The following PIWIL1 variants were observed in gnomAD, a reference collection of about 807,000 sequenced individuals.
PIWIL1 encodes piwi like RNA-mediated gene silencing 1.
Under a neutral mutation model 114.4 loss-of-function variants are expected in PIWIL1, and 73 were observed. The ratio of observed to expected loss-of-function variants is 0.64; its 90% CI spans 0.53 to 0.78. The LOEUF is 0.78. Among genes scored for constraint, PIWIL1 ranks in the 30% least tolerant of loss-of-function variants. PIWIL1 has a pLI of 0.00. For missense variants in PIWIL1, 723 were observed against 1,063.1 expected (o/e 0.68, Z 4.45); for synonymous variants, 375 against 369.0 (o/e 1.02, Z -0.19).
At chr12:130,357,607 G>C (rs150945290) in intron 14 of PIWIL1, 54 bp downstream of exon 14, 5 of 1,141,868 alleles carry the variant, frequency 4.4e-6, no homozygotes, top group Non-Finnish European at 6.6e-6. Flanking sequence ...TTTTTCAAAG[G>C]GGGCATGTGT....
chr12:130,423,980 G>GA, the PIWIL1 span, among the ~76,000 whole-genome samples: 1 of 152,114 alleles, frequency 6.6e-6, no homozygotes, highest in Non-Finnish European at 1.5e-5. Context: ...TCAAAAGGTT[G>GA]GGAAGCAAAT....
intron 18 of PIWIL1, among the ~76,000 whole-genome samples, chr12:130,366,048 C>T (rs1009487582): frequency 6.6e-5 from 10 of 152,174 alleles, no homozygotes; most frequent in South Asian, 2.1e-4. Flanking sequence ...GCAACATTGC[C>T]GAGTCAGACA....
intron 9 of PIWIL1, among the ~76,000 whole-genome samples, chr12:130,352,641 C>T (rs2073243099): frequency 6.6e-6 from 1 of 152,168 alleles, no homozygotes; most frequent in Non-Finnish European, 1.5e-5. Context: ...GACAGCACTC[C>T]AGCCTGGGCG....
the PIWIL1 span, among the ~76,000 whole-genome samples, chr12:130,382,079 T>C: frequency 1.3e-5 from 2 of 152,258 alleles, no homozygotes; most frequent in African/African-American, 2.4e-5. Context: ...TGCAAATATA[T>C]TGAATCCTCT....
chr12:130,341,951 A>G (rs2072927781), intron 1 of PIWIL1, among the ~76,000 whole-genome samples: 1 of 152,228 alleles, frequency 6.6e-6, no homozygotes, highest in Non-Finnish European at 1.5e-5. Flanking sequence ...CAATGACTCC[A>G]TTCTTTTTAT....
chr12:130,350,133 CT>C (rs1204894542), intron 9 of PIWIL1, among the ~76,000 whole-genome samples, 166 bp downstream of exon 9: 1 of 152,120 alleles, frequency 6.6e-6, no homozygotes, highest in Non-Finnish European at 1.5e-5. Flanking sequence ...ATTAAAATGC[CT>C]CTTTTTATTT....
intron 8 of PIWIL1, 65 bp from the exon 9 acceptor site, chr12:130,349,791 C>T (rs2073166804): frequency 2.1e-6 from 2 of 930,394 alleles, no homozygotes; most frequent in Non-Finnish European, 3.4e-6. Flanking sequence ...GCTGTCTAGT[C>T]TCTCTTTTTA....
At chr12:130,378,829 T>A in the PIWIL1 span, among the ~76,000 whole-genome samples, 858 of 152,368 alleles carry the variant, frequency 5.6e-3, 13 homozygotes, top group South Asian at 0.018. Context: ...GTAAAAGTTG[T>A]TTATGTATTC....
chr12:130,414,496 C>T, the PIWIL1 span: 1 of 529,036 alleles, frequency 1.9e-6, no homozygotes, highest in East Asian at 3.3e-5. Context: ...CACATAACCA[C>T]AGCCACACTC....
chr12:130,376,506 G>A (rs149257299), downstream of PIWIL1, among the ~76,000 whole-genome samples: 357 of 152,262 alleles, frequency 2.3e-3, 2 homozygotes, highest in African/African-American at 7.4e-3. Context: ...GACAACCTCT[G>A]GTTGAACTGG....
chr12:130,342,436 C>A, intron 1 of PIWIL1, 144 bp from the exon 2 acceptor site: 1 of 617,502 alleles, frequency 1.6e-6, no homozygotes, highest in East Asian at 2.8e-5. Context: ...TTAAAAAAAA[C>A]TGTCATTAAA....
chr12:130,412,912 A>G, the PIWIL1 span: 1 of 906,978 alleles, frequency 1.1e-6, no homozygotes, highest in African/African-American at 1.7e-5. Context: ...AATACCATAA[A>G]TCACCTGCAT....
chr12:130,377,196 T>C (rs1267849046), downstream of PIWIL1, among the ~76,000 whole-genome samples: 1 of 152,242 alleles, frequency 6.6e-6, no homozygotes, highest in African/African-American at 2.4e-5. Flanking sequence ...TTTTGTTCAC[T>C]TTTGTCTTCC....
chr12:130,356,776 C>T, intron 12 of PIWIL1, 142 bp from the exon 13 acceptor site: 1 of 546,660 alleles, frequency 1.8e-6, no homozygotes, highest in Non-Finnish European at 3.1e-6. Flanking sequence ...CCATTGAGGA[C>T]ATTTTCTCTG....
At chr12:130,407,335 T>C in the PIWIL1 span, among the ~76,000 whole-genome samples, 1 of 152,326 alleles carries the variant, frequency 6.6e-6, no homozygotes, top group East Asian at 1.9e-4. Context: ...ATCACTGGTT[T>C]CCTCTCTACT....
chr12:130,384,268 A>G, the PIWIL1 span, among the ~76,000 whole-genome samples: 1 of 152,206 alleles, frequency 6.6e-6, no homozygotes, highest in Admixed American at 6.5e-5. Flanking sequence ...GGCCATTTCC[A>G]TTATGTTCAG....
chr12:130,356,835 C>T, intron 12 of PIWIL1, 83 bp from the exon 13 acceptor site: 1 of 933,432 alleles, frequency 1.1e-6, no homozygotes, highest in Non-Finnish European at 1.6e-6. Context: ...CAAAATATGC[C>T]ATGGTAGAAT....
At chr12:130,346,100 T>C (rs899542588) in intron 4 of PIWIL1, among the ~76,000 whole-genome samples, 5 of 152,220 alleles carry the variant, frequency 3.3e-5, no homozygotes, top group African/African-American at 1.2e-4. Context: ...TTAAAACTCT[T>C]TGCCATGAAG....
rs2073152203 is a variant in PIWIL1, at chr12:130,349,295, T to C, written c.791T>C (p.Met264Thr). Residue 264 changes from methionine (M) to threonine (T), a missense_variant, in exon 8 of 21, where the codon ATG becomes ACG. Transcript: ENST00000245255. Reference protein sequence around the residue: ...TSILQYENSIMLCTDVSHKVL... With the variant: ...TSILQYENSITLCTDVSHKVL... ...ATCCTTCAGTATGAAAACAGCATCA[T>C]GCTCTGCACTGACGTTAGCCATAAA... 1.2e-6 allele frequency: 2 copies of C among 1,614,018 alleles called. No homozygotes were observed. Among genetic ancestry groups the C allele is most frequent in the African/African-American group, 1.3e-5 (1 of 74,926 alleles).
Sources: gnomAD v4.1 joint callset for allele counts (sites outside exome capture counted in the v4.1 genomes callset) on GRCh38, gnomAD v4.1.1 for gene constraint, MANE v1.5 for transcripts, NCBI Gene and HGNC (gene_info 2026-07-23, HGNC 2026-07-21) for gene names.